The following NAV2 variants were observed in gnomAD, a reference collection of about 807,000 sequenced individuals.
The protein encoded by NAV2 is helicase, APC down-regulated 1.
A neutral mutation model predicts 223.2 loss-of-function variants in NAV2; 54 were observed. The observed-to-expected ratio is 0.24, with a 90% CI of 0.19 to 0.30. The LOEUF (loss-of-function observed/expected upper bound fraction) is 0.30, where lower values mean the gene tolerates loss of function less well. Among genes scored for constraint, NAV2 ranks in the 10% least tolerant of loss-of-function variants. The pLI is 1.00. For missense variants in NAV2, 2,806 were observed against 3,147.5 expected (o/e 0.89, Z 2.60); for synonymous variants, 1,279 against 1,239.3 (o/e 1.03, Z -0.67).
chr11:20,011,915 G>A (rs1042879575), intron 11 of NAV2, among the ~76,000 whole-genome samples: 7 of 152,192 alleles, frequency 4.6e-5, no homozygotes, highest in African/African-American at 1.4e-4. Context: ...TGGACCTAAT[G>A]TATGCACACT....
At chr11:19,935,544 C>T (rs910247824) in intron 7 of NAV2, among the ~76,000 whole-genome samples, 2 of 152,198 alleles carry the variant, frequency 1.3e-5, no homozygotes, top group African/African-American at 4.8e-5. Context: ...CCTCTTTCCT[C>T]CTGAGCTGTG....
chr11:19,891,955 T>C (rs1316888027), intron 5 of NAV2, among the ~76,000 whole-genome samples: 6 of 152,094 alleles, frequency 3.9e-5, no homozygotes, highest in African/African-American at 1.4e-4. Context: ...AAATGAACTT[T>C]GTTTTTGTTT....
At chr11:19,705,434 T>C (rs1590119533) in intron 1 of NAV2, among the ~76,000 whole-genome samples, 1 of 152,232 alleles carries the variant, frequency 6.6e-6, no homozygotes, top group African/African-American at 2.4e-5. Context: ...GAAGACATTC[T>C]TAATTAAATT....
At chr11:19,596,770 G>T (rs534474712) in intron 1 of NAV2, among the ~76,000 whole-genome samples, 7 of 152,204 alleles carry the variant, frequency 4.6e-5, no homozygotes, top group African/African-American at 1.7e-4. Context: ...CACTACTTCC[G>T]AGAGCATCTG....
intron 1 of NAV2, chr11:19,777,491 G>T (rs1226040681): frequency 4.4e-6 from 2 of 455,166 alleles, no homozygotes; most frequent in Non-Finnish European, 8.8e-6. Flanking sequence ...GTGGCGCTGG[G>T]AACAGAATAA....
chr11:19,639,749 C>T (rs1174824071), intron 1 of NAV2, among the ~76,000 whole-genome samples: 3 of 152,216 alleles, frequency 2.0e-5, no homozygotes, highest in African/African-American at 7.2e-5. Flanking sequence ...GCACCCCCTA[C>T]AGAGTGAGGG....
intron 1 of NAV2, among the ~76,000 whole-genome samples, chr11:19,418,482 C>G (rs1271168980): frequency 2.0e-5 from 3 of 152,162 alleles, no homozygotes; most frequent in African/African-American, 7.2e-5. Context: ...AGCTGAAACT[C>G]TTATTCAAGG....
intron 1 of NAV2, among the ~76,000 whole-genome samples, chr11:19,541,584 C>G (rs1371369664): frequency 2.6e-5 from 4 of 152,212 alleles, no homozygotes; most frequent in Non-Finnish European, 5.9e-5. Context: ...TGGTCTCCTC[C>G]TCCCACACAG....
At chr11:20,077,233 G>T (rs1041240690) in intron 22 of NAV2, among the ~76,000 whole-genome samples, 2 of 152,012 alleles carry the variant, frequency 1.3e-5, no homozygotes, top group Non-Finnish European at 2.9e-5. Context: ...GTGAAAGTAC[G>T]AGCCGAGAGC....
At chr11:20,030,804 G>T (rs1353515301) in intron 11 of NAV2, among the ~76,000 whole-genome samples, 1 of 152,080 alleles carries the variant, frequency 6.6e-6, no homozygotes, top group African/African-American at 2.4e-5. Flanking sequence ...AAACATTTCA[G>T]CTTAAAAGTC....
chr11:20,117,928 G>A (rs1267189162), intron 37 of NAV2, among the ~76,000 whole-genome samples: 1 of 152,156 alleles, frequency 6.6e-6, no homozygotes, highest in East Asian at 1.9e-4. Context: ...GTTAAGTAAT[G>A]TGTTCAAAGT....
chr11:20,097,523 T>C (rs1254022506), intron 30 of NAV2, 54 bp from the exon 31 acceptor site: 5 of 1,395,724 alleles, frequency 3.6e-6, no homozygotes, highest in East Asian at 4.8e-5. Flanking sequence ...ACATGAGTCA[T>C]GGGCAGATTT....
chr11:19,754,181 C>T (rs974117974), intron 1 of NAV2, among the ~76,000 whole-genome samples: 2 of 152,148 alleles, frequency 1.3e-5, no homozygotes, highest in Non-Finnish European at 2.9e-5. Flanking sequence ...TGCCCTTCCT[C>T]CCAACTTTTC....
intron 1 of NAV2, among the ~76,000 whole-genome samples, chr11:19,568,558 G>A (rs949518938): frequency 6.6e-6 from 1 of 152,192 alleles, no homozygotes; most frequent in Non-Finnish European, 1.5e-5. Flanking sequence ...AGCATAAGAG[G>A]CTCTCTCCTG....
intron 6 of NAV2, among the ~76,000 whole-genome samples, chr11:19,910,129 A>G (rs1273417859): frequency 6.6e-6 from 1 of 152,194 alleles, no homozygotes; most frequent in Non-Finnish European, 1.5e-5. Flanking sequence ...TCCATTTTAT[A>G]AAGAAACTAA....
chr11:19,485,132 C>T (rs1157537969), intron 1 of NAV2, among the ~76,000 whole-genome samples: 2 of 152,184 alleles, frequency 1.3e-5, no homozygotes, highest in Non-Finnish European at 2.9e-5. Flanking sequence ...ACCCCTGGAA[C>T]TATCATAGTG....
intron 1 of NAV2, among the ~76,000 whole-genome samples, chr11:19,781,992 G>A (rs2056787199): frequency 6.6e-6 from 1 of 152,014 alleles, no homozygotes; most frequent in Non-Finnish European, 1.5e-5. Flanking sequence ...ACACTCACAT[G>A]AAAGTATTAC....
Position 20,051,310 on chromosome 11 carries a change from C to G in NAV2, c.4458C>G (p.Asn1486Lys). 1 of 1,614,128 alleles carries G rather than the reference C, an allele frequency of 6.2e-7. No individual in the cohort carries two copies. Among genetic ancestry groups the G allele is most frequent in the Non-Finnish European group, 8.5e-7 (1 of 1,179,970 alleles). The part of the protein sequence containing the change: ...KQDSDPHLDR[N>K]TLPKKGLRYT... ...ACAGTGACCCGCACCTTGATAGGAACACTTTGCCTAAGAAAGGACTCAGGT... is the reference window on the plus strand; with the variant it reads ...ACAGTGACCCGCACCTTGATAGGAAGACTTTGCCTAAGAAAGGACTCAGGT... Residue 1486 changes from asparagine (N) to lysine (K), a missense_variant, in exon 17 of 38, where the codon AAC becomes AAG. By Grantham distance (94) the Asn-to-Lys change is moderately conservative. This residue lies in a region of NAV2 where 742 missense variants were observed against 777.9 expected (regional missense o/e 0.95). Coordinates refer to ENST00000349880, the MANE Select transcript of NAV2 (RefSeq NM_145117.5).
chr11:20,056,740 A>C, intron 19 of NAV2: 1 of 716,830 alleles, frequency 1.4e-6, no homozygotes, highest in Non-Finnish European at 2.5e-6. Flanking sequence ...TAGGAGTCAG[A>C]CTAGCAGAGT....
Sources: allele counts gnomAD v4.1 joint callset (sites outside exome capture counted in the v4.1 genomes callset), GRCh38; gene constraint gnomAD v4.1.1; regional missense constraint gnomAD v4.1.1; transcripts MANE v1.5; gene names NCBI Gene and HGNC (gene_info 2026-07-23, HGNC 2026-07-21).